The following G3BP2 variants were observed in gnomAD, a reference collection of about 807,000 sequenced individuals.
G3BP2 encodes the protein G3BP stress granule assembly factor 2.
In G3BP2, 11 loss-of-function variants were observed where a neutral mutation model predicts 56.7. The observed-to-expected ratio is 0.19, with a 90% CI of 0.12 to 0.32. The LOEUF (loss-of-function observed/expected upper bound fraction) is 0.32, where lower values mean the gene tolerates loss of function less well. Among genes scored for constraint, G3BP2 ranks in the 10% least tolerant of loss-of-function variants. The pLI is 1.00. For missense variants in G3BP2, 340 were observed against 610.9 expected, an observed-to-expected ratio of 0.56 and a Z score of 4.67; for synonymous variants, 165 against 191.6, an observed-to-expected ratio of 0.86 and a Z score of 1.15.
chr4:75,669,043 T>C (rs1486814725), intron 1 of G3BP2, among the ~76,000 whole-genome samples: 1 of 152,214 alleles, frequency 6.6e-6, no homozygotes, highest in Non-Finnish European at 1.5e-5. Flanking sequence ...TCCACCCATC[T>C]GCATTATCAA....
At chr4:75,669,244 C>T (rs1271228085) in intron 1 of G3BP2, among the ~76,000 whole-genome samples, 2 of 152,162 alleles carry the variant, frequency 1.3e-5, no homozygotes, top group Non-Finnish European at 2.9e-5. Flanking sequence ...TACTGAACAC[C>T]TAGACATGAC....
intron 2 of G3BP2, among the ~76,000 whole-genome samples, chr4:75,659,259 A>G (rs1298333009): frequency 6.6e-6 from 1 of 152,234 alleles, no homozygotes; most frequent in African/African-American, 2.4e-5. Flanking sequence ...TACATTCTAA[A>G]TACAGATGCT....
At chr4:75,723,599 T>C (rs1720269806) in intron 1 of G3BP2, among the ~76,000 whole-genome samples, 1 of 152,216 alleles carries the variant, frequency 6.6e-6, no homozygotes, top group East Asian at 1.9e-4. Context: ...GCTTCCTCTG[T>C]CTAGCTTAGG....
chr4:75,700,675 T>C (rs1162992563), intron 3 of G3BP2, among the ~76,000 whole-genome samples: 1 of 150,074 alleles, frequency 6.7e-6, no homozygotes, highest in African/African-American at 2.5e-5. Flanking sequence ...TGCCTTGGGC[T>C]TCCAAAGTGC....
At chr4:75,658,453 G>A (rs6841290) in intron 3 of G3BP2, among the ~76,000 whole-genome samples, 22,434 of 150,430 alleles carry the variant, frequency 0.15, 2,225 homozygotes, top group African/African-American at 0.28. Context: ...AAAGCCGGCC[G>A]GGCGCGGTGG....
upstream of G3BP2, chr4:75,673,747 T>G (rs1041091913): frequency 5.8e-6 from 3 of 521,334 alleles, no homozygotes; most frequent in Non-Finnish European, 8.7e-6. Context: ...CAGTGTCTTT[T>G]GTAGACTGAT....
chr4:75,679,148 A>T (rs1207317178), intron 3 of G3BP2, among the ~76,000 whole-genome samples: 1 of 152,226 alleles, frequency 6.6e-6, no homozygotes, highest in Non-Finnish European at 1.5e-5. Flanking sequence ...TCATGCCACT[A>T]CACCATGTCC....
intron 2 of G3BP2, among the ~76,000 whole-genome samples, chr4:75,659,237 T>C (rs1294571181): frequency 6.6e-6 from 1 of 152,202 alleles, no homozygotes; most frequent in Non-Finnish European, 1.5e-5. Context: ...TCGGATATTT[T>C]TGATGATTTA....
intron 1 of G3BP2, among the ~76,000 whole-genome samples, chr4:75,671,603 C>T (rs17000745): frequency 0.017 from 2,578 of 152,296 alleles, 73 homozygotes; most frequent in African/African-American, 0.057. Flanking sequence ...AATATTTCGA[C>T]CCTGAATATC....
chr4:75,666,824 T>TA (rs1321012868), intron 1 of G3BP2, among the ~76,000 whole-genome samples: 11 of 152,122 alleles, frequency 7.2e-5, no homozygotes, highest in African/African-American at 2.4e-4. Flanking sequence ...TTCCATTTCT[T>TA]AAAAAAAGTT....
chr4:75,710,674 T>C (rs1234503772), intron 3 of G3BP2, among the ~76,000 whole-genome samples: 2 of 152,010 alleles, frequency 1.3e-5, no homozygotes, highest in Non-Finnish European at 2.9e-5. Flanking sequence ...GCTTTATTTA[T>C]TTATTTTTCA....
intron 1 of G3BP2, chr4:75,672,508 T>A (rs1733567985): frequency 6.6e-6 from 1 of 152,136 alleles, no homozygotes; most frequent in Non-Finnish European, 1.5e-5. Context: ...CACGTTACAG[T>A]TCCAGTATCC....
At chr4:75,687,329 G>C (rs1578429676) in intron 3 of G3BP2, among the ~76,000 whole-genome samples, 1 of 152,154 alleles carries the variant, frequency 6.6e-6, no homozygotes, top group Admixed American at 6.6e-5. Context: ...CAGGCTTTCT[G>C]TCTTTGCCCT....
intron 3 of G3BP2, among the ~76,000 whole-genome samples, chr4:75,720,181 T>G (rs1720102359): frequency 6.6e-6 from 1 of 152,130 alleles, no homozygotes; most frequent in East Asian, 1.9e-4. Context: ...CCTTCTTTCT[T>G]GGACTCTCCT....
intron 3 of G3BP2, among the ~76,000 whole-genome samples, chr4:75,703,406 T>A (rs547844342): frequency 5.3e-5 from 8 of 152,140 alleles, no homozygotes; most frequent in African/African-American, 1.9e-4. Flanking sequence ...CACTTACCCT[T>A]AGTCACGTAT....
At chr4:75,677,909 G>A (rs1733936841), upstream of G3BP2, among the ~76,000 whole-genome samples, 1 of 152,200 alleles carries the variant, frequency 6.6e-6, no homozygotes, top group Non-Finnish European at 1.5e-5. Flanking sequence ...TAGGTCATGA[G>A]GGCCTCACCT....
chr4:75,699,221 A>G (rs1223417425), intron 3 of G3BP2, among the ~76,000 whole-genome samples: 2 of 152,212 alleles, frequency 1.3e-5, no homozygotes, highest in African/African-American at 2.4e-5. Flanking sequence ...CAGTGTAAAA[A>G]CAACAGAATT....
chr4:75,662,882 T>G (rs1732680401), intron 1 of G3BP2, among the ~76,000 whole-genome samples: 1 of 152,226 alleles, frequency 6.6e-6, no homozygotes. Flanking sequence ...GACTCAGAGA[T>G]AACACTCATG....
At chr4:75,706,677 C>A (rs79287794) in intron 3 of G3BP2, among the ~76,000 whole-genome samples, 252 of 118,642 alleles carry the variant, frequency 2.1e-3, no homozygotes, top group African/African-American at 2.8e-3. Flanking sequence ...AACTCTATCT[C>A]AAAAAAAAAA....
Sources: allele counts gnomAD v4.1 joint callset (sites outside exome capture counted in the v4.1 genomes callset), GRCh38; gene constraint gnomAD v4.1.1; transcripts MANE v1.5; gene names NCBI Gene and HGNC (gene_info 2026-07-23, HGNC 2026-07-21).